The following CDK1 variants were observed in gnomAD, a reference collection of about 807,000 sequenced individuals.
CDK1 encodes cyclin dependent kinase 1, also known as cyclin-dependent kinase 1.
CDK1 carries 5 observed loss-of-function variants against 34.6 expected under a neutral mutation model. The observed-to-expected ratio is 0.14, with a 90% CI of 0.08 to 0.30. The LOEUF (loss-of-function observed/expected upper bound fraction) is 0.30. Among genes scored for constraint, CDK1 ranks in the 10% least tolerant of loss-of-function variants. The pLI, the probability that CDK1 is intolerant of heterozygous loss-of-function variation, is 1.00. For missense variants in CDK1, 157 were observed against 345.7 expected (o/e 0.45, Z 4.33); for synonymous variants, 108 against 114.7 (o/e 0.94, Z 0.37).
At chr10:60,779,692 G>A (rs2080255544) in intron 1 of CDK1, among the ~76,000 whole-genome samples, 1 of 152,148 alleles carries the variant, frequency 6.6e-6, no homozygotes, top group Non-Finnish European at 1.5e-5. Context: ...ACACATTTTA[G>A]TTCTGTCCTC....
At chr10:60,793,036 G>A (rs1012035916) in intron 7 of CDK1, among the ~76,000 whole-genome samples, 3 of 152,066 alleles carry the variant, frequency 2.0e-5, no homozygotes, top group Admixed American at 2.0e-4. Context: ...CTCCTGATGG[G>A]CAAAGTCTAT....
At chr10:60,791,137 A>G (rs1027734498) in intron 5 of CDK1, among the ~76,000 whole-genome samples, 2 of 152,022 alleles carry the variant, frequency 1.3e-5, no homozygotes, top group African/African-American at 2.4e-5. Context: ...TCATTTTTAT[A>G]TTAATTCTTC....
intron 1 of CDK1, 69 bp from the exon 2 acceptor site, chr10:60,780,070 AGT>A (rs1479537843): frequency 1.3e-6 from 1 of 751,262 alleles, no homozygotes; most frequent in African/African-American, 1.7e-5. Flanking sequence ...CTTTACATAT[AGT>A]GTTTCATTAA....
intron 3 of CDK1, among the ~76,000 whole-genome samples, chr10:60,785,189 TAG>T (rs1290858867): frequency 6.6e-6 from 1 of 152,162 alleles, no homozygotes; most frequent in Admixed American, 6.5e-5. Context: ...ACCCTTTAGT[TAG>T]AGTCTTAAGA....
chr10:60,784,976 T>C, intron 3 of CDK1, 115 bp downstream of exon 3: 1 of 866,196 alleles, frequency 1.2e-6, no homozygotes. Context: ...CTGAGTGGAC[T>C]AGAACCCTAT....
In CDK1 at chr10:60,791,925, G is replaced by A; in HGVS notation, c.525G>A (p.Leu175=). The A allele has an allele frequency of 6.2e-7, 1 of 1,612,718 alleles. No individual in the cohort carries two copies. The highest frequency in any genetic ancestry group is 8.5e-7 in the Non-Finnish European group (1 of 1,179,102). ...VTLWYRSPEV[L]LGSARYSTPV... ...TCTGGTACAGATCTCCAGAAGTATT[G>A]CTGGGGTCAGCTCGTTACTCAACTC... The change falls in exon 6 of 8, where the codon TTG becomes TTA. Residue 175 remains leucine (L), a synonymous_variant. Coordinates refer to ENST00000395284, the MANE Select transcript of CDK1 (RefSeq NM_001786.5).
chr10:60,783,568 A>G (rs1194162567), intron 2 of CDK1: 2 of 152,166 alleles, frequency 1.3e-5, no homozygotes, highest in Admixed American at 6.5e-5. Context: ...AGTTAAACCA[A>G]TGCCATGGAA....
Position 60,794,473 on chromosome 10 carries a change from A to G in CDK1, c.*498A>G, listed in dbSNP as rs2080384351. 1 of 152,164 alleles carries G rather than the reference A, an allele frequency of 6.6e-6. No individual in the cohort carries two copies. The highest frequency in any genetic ancestry group is 2.1e-4 in the South Asian group (1 of 4,836). The allele number at this position is 152,164 out of a possible 1,614,324, so 9.4% of individuals were successfully genotyped here. A position where few individuals can be genotyped will look rare whatever the true frequency, so the allele number is the denominator to read the frequency against. Reference sequence around the variant, plus strand: ...TAATTTTTGACCTAAATGTTTAAGCATTCGGAATGAGAAAACTATACAGAT... The same window carrying G: ...TAATTTTTGACCTAAATGTTTAAGCGTTCGGAATGAGAAAACTATACAGAT... On this transcript the variant is annotated 3_prime_UTR_variant, in exon 8 of 8. Coordinates refer to ENST00000395284, the MANE Select transcript of CDK1 (RefSeq NM_001786.5).
At chr10:60,782,164 G>C (rs2080278674) in intron 2 of CDK1, among the ~76,000 whole-genome samples, 1 of 152,062 alleles carries the variant, frequency 6.6e-6, no homozygotes, top group Non-Finnish European at 1.5e-5. Context: ...TTTTCATTTT[G>C]AACATCTCCA....
chr10:60,788,241 T>C lies in CDK1; in HGVS notation c.489+11T>C, dbSNP rs1286869123. Reference sequence around the variant, plus strand: ...GTATATACACATGAGGCAAGTGGAATAGTGGTTTTTGATGGCTTTTGAATG... The same window carrying C: ...GTATATACACATGAGGCAAGTGGAACAGTGGTTTTTGATGGCTTTTGAATG... On this transcript the variant is annotated intron_variant, in intron 5 of 7. Transcript: ENST00000395284. The C allele has an allele frequency of 6.5e-7, 1 of 1,540,534 alleles. No homozygotes were observed. The highest frequency in any genetic ancestry group is 8.8e-7 in the Non-Finnish European group (1 of 1,140,124).
intron 7 of CDK1, among the ~76,000 whole-genome samples, chr10:60,792,781 T>C (rs532353901): frequency 2.0e-5 from 3 of 152,220 alleles, no homozygotes; most frequent in African/African-American, 2.4e-5. Flanking sequence ...ACTTTCAGAG[T>C]GTAAAGACTC....
chr10:60,786,959 G>T, intron 4 of CDK1: 1 of 983,338 alleles, frequency 1.0e-6, no homozygotes, highest in Non-Finnish European at 1.2e-6. Context: ...GTATTTTTCT[G>T]GTAGTTTTAG....
chr10:60,783,973 G>A (rs890135771), intron 2 of CDK1, among the ~76,000 whole-genome samples: 2 of 152,130 alleles, frequency 1.3e-5, no homozygotes, highest in Non-Finnish European at 2.9e-5. Context: ...GTTTTGAAAA[G>A]CATAAAGCAC....
intron 2 of CDK1, among the ~76,000 whole-genome samples, chr10:60,782,033 C>T (rs1285063158): frequency 6.6e-6 from 1 of 152,160 alleles, no homozygotes; most frequent in Non-Finnish European, 1.5e-5. Context: ...GAAAAAGGAA[C>T]TTGTGGAAAT....
Position 60,784,842 on chromosome 10 carries a change from C to T in CDK1, c.175C>T (p.Arg59Cys), listed in dbSNP as rs8755. Reference sequence around the variant, plus strand: ...GGAAATTTCTCTATTAAAGGAACTTCGTCATCCAAATATAGTCAGGTATGT... The same window carrying T: ...GGAAATTTCTCTATTAAAGGAACTTTGTCATCCAAATATAGTCAGGTATGT... The part of the protein sequence containing the change: ...IREISLLKEL[R>C]HPNIVSLQDV... Residue 59 changes from arginine (R) to cysteine (C), a missense_variant, in exon 3 of 8, where the codon CGT (arginine) becomes TGT (cysteine). This residue lies in a region of CDK1 where 53 missense variants were observed against 89.2 expected (regional missense o/e 0.59). Transcript: ENST00000395284. 728 of 1,613,052 alleles carry T rather than the reference C, an allele frequency of 4.5e-4. No homozygotes were observed. The highest frequency in any genetic ancestry group is 5.7e-4 in the Non-Finnish European group (672 of 1,179,230).
At chr10:60,783,771 T>C (rs527852608) in intron 2 of CDK1, among the ~76,000 whole-genome samples, 6 of 152,314 alleles carry the variant, frequency 3.9e-5, no homozygotes, top group East Asian at 1.9e-4. Context: ...ATAATTGATA[T>C]TGTTGCTCAT....
At chr10:60,782,832 C>T (rs2080283809) in intron 2 of CDK1, among the ~76,000 whole-genome samples, 1 of 151,952 alleles carries the variant, frequency 6.6e-6, no homozygotes, top group African/African-American at 2.4e-5. Flanking sequence ...GATGATTAAC[C>T]AATAGAAAGT....
chr10:60,780,673 AG>A (rs1247658471), intron 2 of CDK1, among the ~76,000 whole-genome samples: 1 of 152,180 alleles, frequency 6.6e-6, no homozygotes, highest in Non-Finnish European at 1.5e-5. Context: ...AGTTACCCTA[AG>A]TATAAATGAC....
At position 60,792,301 on chromosome 10, in the gene CDK1, C is replaced by T; in HGVS notation, c.795+12C>T. 4.4e-6 allele frequency: 7 copies of T among 1,582,454 alleles called. No homozygotes were observed. Among genetic ancestry groups the T allele is most frequent in the Non-Finnish European group, 6.0e-6 (7 of 1,169,588 alleles). Reference sequence around the variant, plus strand: ...TGGATTTGCTCTCGGTAAGGAGTGCCCTTGATACTGACTTTCAAATTATTG... The same window carrying T: ...TGGATTTGCTCTCGGTAAGGAGTGCTCTTGATACTGACTTTCAAATTATTG... On this transcript the variant is annotated intron_variant, in intron 7 of 7. Transcript: ENST00000395284.
Sources: allele counts gnomAD v4.1 joint callset (sites outside exome capture counted in the v4.1 genomes callset), GRCh38; gene constraint gnomAD v4.1.1; regional missense constraint gnomAD v4.1.1; transcripts MANE v1.5; gene names NCBI Gene and HGNC (gene_info 2026-07-23, HGNC 2026-07-21).